Variants in BNC2 observed in about 807,000 individuals in gnomAD.
The protein encoded by BNC2 is zinc finger protein basonuclin-2.
Under a neutral mutation model 76.3 loss-of-function variants are expected in BNC2, and 20 were observed. That is an observed-to-expected ratio of 0.26 (90% CI 0.18 to 0.38). The LOEUF (loss-of-function observed/expected upper bound fraction) is 0.38. Ranked by LOEUF, BNC2 falls within the 10% of genes least tolerant of loss-of-function variation. BNC2 has a pLI of 1.00. For missense variants in BNC2, 1,382 were observed against 1,399.8 expected, an observed-to-expected ratio of 0.99 and a Z score of 0.20; for synonymous variants, 582 against 514.8, an observed-to-expected ratio of 1.13 and a Z score of -1.77.
At chr9:16,764,428 C>T (rs1268481794) in intron 1 of BNC2, among the ~76,000 whole-genome samples, 1 of 152,150 alleles carries the variant, frequency 6.6e-6, no homozygotes, top group Non-Finnish European at 1.5e-5. Context: ...GAAACACAAA[C>T]TCATTCATCT....
intron 4 of BNC2, among the ~76,000 whole-genome samples, chr9:16,566,403 T>G (rs1819168492): frequency 6.6e-6 from 1 of 152,188 alleles, no homozygotes; most frequent in Non-Finnish European, 1.5e-5. Context: ...TCAACCCTTC[T>G]TTTGTTCTAG....
At chr9:16,482,497 G>A (rs959935555) in intron 5 of BNC2, among the ~76,000 whole-genome samples, 1 of 151,938 alleles carries the variant, frequency 6.6e-6, no homozygotes, top group Non-Finnish European at 1.5e-5. Flanking sequence ...AACAAAAGAA[G>A]GAAATAAAGT....
At chr9:16,483,778 T>A (rs1822107009) in intron 5 of BNC2, among the ~76,000 whole-genome samples, 1 of 152,128 alleles carries the variant, frequency 6.6e-6, no homozygotes. Context: ...TTGTATAAGA[T>A]TTCCTAAGGA....
chr9:16,503,615 C>G (rs1183594163), intron 5 of BNC2, among the ~76,000 whole-genome samples: 1 of 152,092 alleles, frequency 6.6e-6, no homozygotes, highest in Non-Finnish European at 1.5e-5. Context: ...TGGGGTCAAG[C>G]AGTCTCTCAA....
At chr9:16,697,002 T>C (rs1823357652) in intron 3 of BNC2, among the ~76,000 whole-genome samples, 1 of 152,222 alleles carries the variant, frequency 6.6e-6, no homozygotes. Context: ...TGAATATCTC[T>C]AGAACATGAC....
chr9:16,862,836 C>T (rs1316115242), intron 1 of BNC2, among the ~76,000 whole-genome samples: 2 of 151,942 alleles, frequency 1.3e-5, no homozygotes, highest in African/African-American at 4.8e-5. Flanking sequence ...TGTTAAGACA[C>T]TCATGCTTTT....
At chr9:16,812,066 G>A (rs1198710742) in intron 1 of BNC2, among the ~76,000 whole-genome samples, 1 of 152,190 alleles carries the variant, frequency 6.6e-6, no homozygotes, top group East Asian at 1.9e-4. Context: ...TCAGCTGCAG[G>A]GGAATGAAGC....
At chr9:16,834,603 A>G (rs1818660216) in intron 1 of BNC2, among the ~76,000 whole-genome samples, 1 of 152,226 alleles carries the variant, frequency 6.6e-6, no homozygotes, top group Admixed American at 6.5e-5. Flanking sequence ...ATGCATCTTG[A>G]AGCCAATGTT....
Position 16,481,183 on chromosome 9 carries a change from C to A in BNC2, c.670-43659G>T, listed in dbSNP as rs372255148. Among the ~76,000 whole-genome samples, 217 of 152,202 alleles carry A rather than the reference C, an allele frequency of 1.4e-3. 1 individual carries two copies. Among genetic ancestry groups the A allele is most frequent in the African/African-American group, 5.1e-3 (210 of 41,520 alleles). ...ATGGGGAGGTGGAGAACCTTTGTGT[C>A]TAGCTCAGGGATTGTAAACGCACCA... On this transcript the variant is annotated intron_variant, in intron 5 of 6. Transcript: ENST00000380672.
At chr9:16,499,606 T>C (rs1456856659) in intron 5 of BNC2, among the ~76,000 whole-genome samples, 1 of 149,272 alleles carries the variant, frequency 6.7e-6, no homozygotes, top group Non-Finnish European at 1.5e-5. Flanking sequence ...CTCAGCTCAC[T>C]GTAACTTCTG....
intron 5 of BNC2, among the ~76,000 whole-genome samples, chr9:16,545,074 T>C (rs1448952775): frequency 1.3e-5 from 2 of 152,224 alleles, no homozygotes; most frequent in Non-Finnish European, 2.9e-5. Context: ...ACAAAGTCTT[T>C]GTTACTGCAT....
chr9:16,501,826 C>T (rs1822524910), intron 5 of BNC2, among the ~76,000 whole-genome samples: 1 of 152,152 alleles, frequency 6.6e-6, no homozygotes, highest in South Asian at 2.1e-4. Flanking sequence ...GTCTATGTTA[C>T]CCTGACCTCT....
At chr9:16,593,926 A>T (rs1819999460) in intron 3 of BNC2, among the ~76,000 whole-genome samples, 2 of 152,140 alleles carry the variant, frequency 1.3e-5, no homozygotes, top group Non-Finnish European at 2.9e-5. Context: ...AGTAATAATA[A>T]TCTCATTTCA....
At chr9:16,605,701 G>A (rs1204889149) in intron 3 of BNC2, among the ~76,000 whole-genome samples, 2 of 151,314 alleles carry the variant, frequency 1.3e-5, no homozygotes, top group Non-Finnish European at 2.9e-5. Flanking sequence ...AGAGACCAGA[G>A]CCATGAAAAC....
Position 16,808,752 on chromosome 9 carries a change from G to C in BNC2, c.3+61894C>G, listed in dbSNP as rs114330798. 5.4e-3 allele frequency among the ~76,000 whole-genome samples: 819 copies of C among 151,682 alleles called. 16 individuals are homozygous for C. The highest frequency in any genetic ancestry group is 0.019 in the African/African-American group (784 of 41,388). ...ATTTATAAAATAGAAAAAAATAAGA[G>C]TAGCTACAATAAAGATCTAAAACCT... On this transcript the variant is annotated intron_variant, in intron 1 of 6. Coordinates refer to ENST00000380672, the MANE Select transcript of BNC2 (RefSeq NM_017637.6).
intron 1 of BNC2, among the ~76,000 whole-genome samples, chr9:16,763,203 T>G (rs1373793420): frequency 1.3e-5 from 2 of 152,168 alleles, no homozygotes; most frequent in Non-Finnish European, 2.9e-5. Flanking sequence ...GAAGATAAAT[T>G]TATTTTTATA....
chr9:16,489,628 A>G (rs1210778656), intron 5 of BNC2, among the ~76,000 whole-genome samples: 1 of 152,202 alleles, frequency 6.6e-6, no homozygotes, highest in African/African-American at 2.4e-5. Flanking sequence ...GAGAAAAAAC[A>G]CATCACCCAT....
At chr9:16,667,101 A>ACACACACACACACACG (rs1554703003) in intron 3 of BNC2, among the ~76,000 whole-genome samples, 1 of 148,770 alleles carries the variant, frequency 6.7e-6, no homozygotes, top group African/African-American at 2.6e-5. Context: ...ACACACACAC[A>ACACACACACACACACG]CACACACGCA....
At chr9:16,817,873 G>A (rs1384128115) in intron 1 of BNC2, among the ~76,000 whole-genome samples, 1 of 152,012 alleles carries the variant, frequency 6.6e-6, no homozygotes. Flanking sequence ...TATGTTTTAG[G>A]GTCAGGGATT....
Sources: allele counts gnomAD v4.1 joint callset (sites outside exome capture counted in the v4.1 genomes callset), GRCh38; gene constraint gnomAD v4.1.1; transcripts MANE v1.5; gene names NCBI Gene and HGNC (gene_info 2026-07-23, HGNC 2026-07-21).